ZNF714: variants seen among roughly 807,000 people sequenced by gnomAD.
ZNF714 encodes zinc finger protein 714.
In ZNF714, 32 loss-of-function variants were observed where a neutral mutation model predicts 46.2. The ratio of observed to expected loss-of-function variants is 0.69; its 90% CI spans 0.52 to 0.93. ZNF714 has a LOEUF of 0.93. Among genes scored for constraint, ZNF714 ranks in the 40% least tolerant of loss-of-function variants. The pLI is 0.00. For synonymous variants in ZNF714, 199 were observed against 213.1 expected (o/e 0.93, Z 0.58); for missense variants, 635 against 646.3 (o/e 0.98, Z 0.19).
At chr19:21,097,825 T>C (rs1382893290) in intron 2 of ZNF714, among the ~76,000 whole-genome samples, 1 of 151,752 alleles carries the variant, frequency 6.6e-6, no homozygotes, top group Non-Finnish European at 1.5e-5. Context: ...TTATTGTACA[T>C]ATTTAAATTT....
rs1295677621 is a variant in ZNF714, at chr19:21,117,187, T to C, written c.523T>C (p.Cys175Arg). 25 of 1,613,990 alleles carry C rather than the reference T, an allele frequency of 1.5e-5. No homozygotes were observed. The highest frequency in any genetic ancestry group is 2.1e-5 in the Non-Finnish European group (25 of 1,179,970). ...RIHIRENSYQCEECDKVFKRF... is the reference protein window; with the variant it reads ...RIHIRENSYQREECDKVFKRF... ...TCATATTAGAGAGAATTCTTACCAA[T>C]GTGAAGAATGTGACAAAGTGTTTAA... Residue 175 changes from cysteine (C) to arginine (R), a missense_variant, in exon 5 of 5, where the codon TGT becomes CGT. Coordinates refer to ENST00000456283, the MANE Select transcript of ZNF714 (RefSeq NM_182515.4).
intron 2 of ZNF714, among the ~76,000 whole-genome samples, chr19:21,086,630 T>G (rs1968785347): frequency 6.6e-6 from 1 of 152,200 alleles, no homozygotes; most frequent in Non-Finnish European, 1.5e-5. Context: ...CAACCTGTTT[T>G]ATCCGCAAGG....
chr19:21,098,137 A>G (rs1428234492), intron 2 of ZNF714, 48 bp from the exon 3 acceptor site: 6 of 1,553,138 alleles, frequency 3.9e-6, no homozygotes, highest in Non-Finnish European at 5.2e-6. Context: ...AATTCTGCCC[A>G]TGGCCACTTG....
chr19:21,102,526 T>G (rs935758847), intron 4 of ZNF714, among the ~76,000 whole-genome samples: 1 of 152,230 alleles, frequency 6.6e-6, no homozygotes, highest in Admixed American at 6.5e-5. Context: ...TTTGCTTAAG[T>G]TGGATTACAG....
intron 4 of ZNF714, among the ~76,000 whole-genome samples, chr19:21,112,816 A>ATTTTTTTTTTTCTTTT (rs1969482762): frequency 2.3e-5 from 1 of 43,208 alleles, no homozygotes; most frequent in African/African-American, 7.7e-5. Context: ...TTTATTTCTG[A>ATTTTTTTTTTTCTTTT]TTTTTTTTTT....
At chr19:21,083,827 C>G (rs1210056212) in intron 1 of ZNF714, among the ~76,000 whole-genome samples, 151 bp from the exon 2 acceptor site, 2 of 151,912 alleles carry the variant, frequency 1.3e-5, no homozygotes, top group Non-Finnish European at 2.9e-5. Flanking sequence ...TCCTTTGAAA[C>G]CTTTATGAGG....
chr19:21,093,846 C>G (rs568690942), intron 2 of ZNF714, among the ~76,000 whole-genome samples: 2 of 152,220 alleles, frequency 1.3e-5, no homozygotes, highest in South Asian at 4.1e-4. Flanking sequence ...GTTGCCCAGG[C>G]TGGTCTTGAA....
In ZNF714 at chr19:21,098,962, A is replaced by T. The variant is rs990044662; in HGVS notation, c.142+52A>T. 1,111 of 1,025,946 alleles carry T rather than the reference A, an allele frequency of 1.1e-3. 1 individual carries two copies. The African/African-American group carries it at 0.015, about 14-fold the overall frequency. The allele number at this position is 1,025,946 out of a possible 1,614,324, so 63.6% of individuals were successfully genotyped here. On this transcript the variant is annotated intron_variant, in intron 4 of 4. Transcript: ENST00000456283. ...ACACAGATGAGAGGTACAAAGGTAA[A>T]AAAAAAAAAAAAGCAAGCCGGCCCT...
intron 4 of ZNF714, among the ~76,000 whole-genome samples, chr19:21,101,584 A>G (rs10412267): frequency 0.82 from 124,582 of 152,074 alleles, 52,990 homozygotes; most frequent in Middle Eastern, 0.93. Flanking sequence ...TCACTGTGTG[A>G]GTTTCTACTT....
At chr19:21,092,610 G>A (rs1968936883) in intron 2 of ZNF714, among the ~76,000 whole-genome samples, 1 of 152,078 alleles carries the variant, frequency 6.6e-6, no homozygotes, top group Non-Finnish European at 1.5e-5. Flanking sequence ...TTTGGTTCAG[G>A]GATCCATGTG....
At chr19:21,082,457 G>A in intron 1 of ZNF714, 109 bp downstream of exon 1, 1 of 1,134,124 alleles carries the variant, frequency 8.8e-7, no homozygotes, top group Non-Finnish European at 1.2e-6. Flanking sequence ...TCTACAATCT[G>A]CGCCCGGAGT....
intron 4 of ZNF714, among the ~76,000 whole-genome samples, chr19:21,111,140 T>A (rs1021714533): frequency 3.9e-5 from 6 of 152,188 alleles, no homozygotes; most frequent in Non-Finnish European, 7.4e-5. Flanking sequence ...TCAGTAGTAG[T>A]TTAGTCAGAA....
intron 2 of ZNF714, among the ~76,000 whole-genome samples, chr19:21,094,086 G>A (rs185418212): frequency 6.6e-6 from 1 of 152,284 alleles, no homozygotes; most frequent in Non-Finnish European, 1.5e-5. Context: ...TGTCTCCTGG[G>A]TTCAAACGAT....
At chr19:21,094,116 A>G (rs934509565) in intron 2 of ZNF714, among the ~76,000 whole-genome samples, 1 of 152,020 alleles carries the variant, frequency 6.6e-6, no homozygotes, top group Non-Finnish European at 1.5e-5. Flanking sequence ...TCAGTTTCCT[A>G]TGTAGCTGGG....
At chr19:21,106,176 A>T (rs558744783) in intron 4 of ZNF714, among the ~76,000 whole-genome samples, 3 of 152,006 alleles carry the variant, frequency 2.0e-5, no homozygotes, top group African/African-American at 7.3e-5. Flanking sequence ...AATCACTTGA[A>T]TCTGGGAGGC....
At chr19:21,083,683 G>C (rs1968711296) in intron 1 of ZNF714, among the ~76,000 whole-genome samples, 1 of 152,034 alleles carries the variant, frequency 6.6e-6, no homozygotes, top group African/African-American at 2.4e-5. Flanking sequence ...TTTGTTACCT[G>C]TTTGTAACTT....
At chr19:21,105,601 C>T (rs1969291742) in intron 4 of ZNF714, among the ~76,000 whole-genome samples, 1 of 151,650 alleles carries the variant, frequency 6.6e-6, no homozygotes, top group Non-Finnish European at 1.5e-5. Flanking sequence ...CTAAGAGATT[C>T]GCTAGTTTTT....
rs1037789978 is a variant in ZNF714 at position 21,124,020 on chromosome 19, A to G, written c.*5688A>G. The G allele has an allele frequency of 1.3e-5, 2 of 152,198 alleles. No individual in the cohort carries two copies. Among genetic ancestry groups the G allele is most frequent in the South Asian group, 4.1e-4 (2 of 4,836 alleles). The allele number at this position is 152,198 out of a possible 1,614,324, so 9.4% of individuals were successfully genotyped here. A position where few individuals can be genotyped will look rare whatever the true frequency, so the allele number is the denominator to read the frequency against. ...CAGACTGGCCAGTCATGGGACCATA[A>G]GCAACACCTGCCCCTTTAGTGGCTT... On this transcript the variant is annotated 3_prime_UTR_variant, in exon 5 of 5. Coordinates refer to ENST00000456283, the MANE Select transcript of ZNF714 (RefSeq NM_182515.4).
intron 2 of ZNF714, among the ~76,000 whole-genome samples, chr19:21,093,517 C>T (rs1398639035): frequency 2.0e-5 from 3 of 151,970 alleles, no homozygotes; most frequent in Non-Finnish European, 4.4e-5. Flanking sequence ...CAGGCTGAGC[C>T]ACCACGCCCA....
Sources: gnomAD v4.1 joint callset for allele counts (sites outside exome capture counted in the v4.1 genomes callset) on GRCh38, gnomAD v4.1.1 for gene constraint, MANE v1.5 for transcripts, NCBI Gene and HGNC (gene_info 2026-07-23, HGNC 2026-07-21) for gene names.